The following COL23A1 variants were observed in gnomAD, a reference collection of about 807,000 sequenced individuals.
COL23A1 encodes the protein collagen type XXIII alpha 1 chain.
Under a neutral mutation model 99.3 loss-of-function variants are expected in COL23A1, and 97 were observed. That is an observed-to-expected ratio of 0.98 (90% CI 0.83 to 1.16). The LOEUF is 1.16. COL23A1 is among the 50% of genes most tolerant of loss of function. COL23A1 has a pLI of 0.00. For missense variants in COL23A1, 762 were observed against 757.4 expected, an observed-to-expected ratio of 1.01 and a Z score of -0.07; for synonymous variants, 320 against 308.2, an observed-to-expected ratio of 1.04 and a Z score of -0.40.
chr5:178,553,778 C>T (rs2113498241), intron 2 of COL23A1, among the ~76,000 whole-genome samples: 1 of 152,300 alleles, frequency 6.6e-6, no homozygotes, highest in South Asian at 2.1e-4. Flanking sequence ...TACCCACGTC[C>T]TAGAAGAACG....
chr5:178,472,823 A>G (rs1340433795), intron 2 of COL23A1, among the ~76,000 whole-genome samples: 5 of 152,122 alleles, frequency 3.3e-5, no homozygotes, highest in Non-Finnish European at 7.4e-5. Flanking sequence ...CAGATTGAAA[A>G]TATTTTTAAA....
intron 2 of COL23A1, among the ~76,000 whole-genome samples, chr5:178,359,749 T>C (rs1762077254): frequency 6.6e-6 from 1 of 152,200 alleles, no homozygotes; most frequent in Non-Finnish European, 1.5e-5. Flanking sequence ...AAGCCCAAGC[T>C]GGGAGGGGGC....
At chr5:178,480,721 C>T (rs1757286998) in intron 2 of COL23A1, among the ~76,000 whole-genome samples, 1 of 152,148 alleles carries the variant, frequency 6.6e-6, no homozygotes. Flanking sequence ...ATGTAATGGT[C>T]ACGGATAATA....
At chr5:178,409,203 T>A (rs1764938370) in intron 2 of COL23A1, among the ~76,000 whole-genome samples, 1 of 152,144 alleles carries the variant, frequency 6.6e-6, no homozygotes, top group South Asian at 2.1e-4. Flanking sequence ...AACTGTGGTA[T>A]AACCGCACCA....
intron 2 of COL23A1, among the ~76,000 whole-genome samples, chr5:178,338,287 C>G (rs1316287975): frequency 1.3e-5 from 2 of 152,174 alleles, no homozygotes; most frequent in Non-Finnish European, 2.9e-5. Context: ...GTCTCAGGGC[C>G]TGATCTCCAG....
chr5:178,287,435 A>G (rs1358069581), intron 5 of COL23A1, among the ~76,000 whole-genome samples: 1 of 152,182 alleles, frequency 6.6e-6, no homozygotes, highest in East Asian at 1.9e-4. Flanking sequence ...CAGAGCAGGA[A>G]ATTGAAGCTC....
intron 25 of COL23A1, among the ~76,000 whole-genome samples, chr5:178,245,355 TATCCATCC>T (rs148358275): frequency 5.7e-5 from 8 of 141,038 alleles, no homozygotes; most frequent in South Asian, 2.5e-4. Flanking sequence ...ATTCATCTAT[TATCCATCC>T]ATCCATCCAT....
intron 2 of COL23A1, among the ~76,000 whole-genome samples, chr5:178,465,057 C>G (rs536711216): frequency 5.2e-4 from 79 of 152,338 alleles, no homozygotes; most frequent in Non-Finnish European, 8.8e-4. Flanking sequence ...AAATAGTTCA[C>G]TTGATTTAAA....
intron 5 of COL23A1, among the ~76,000 whole-genome samples, chr5:178,285,276 G>C (rs73804767): frequency 0.018 from 2,678 of 152,268 alleles, 82 homozygotes; most frequent in African/African-American, 0.06. Flanking sequence ...TCCACCACCA[G>C]AGTCTCCTGC....
chr5:178,322,415 C>T (rs760964208), intron 2 of COL23A1, among the ~76,000 whole-genome samples: 2 of 152,222 alleles, frequency 1.3e-5, no homozygotes, highest in South Asian at 2.1e-4. Flanking sequence ...TGGCATGAGC[C>T]GCTGCATGTG....
chr5:178,409,675 T>C (rs944432909), intron 2 of COL23A1, among the ~76,000 whole-genome samples: 4 of 152,206 alleles, frequency 2.6e-5, no homozygotes, highest in Admixed American at 1.3e-4. Flanking sequence ...GGTAAAATTT[T>C]AAAAAGCCAT....
chr5:178,358,576 T>C (rs1025210953), intron 2 of COL23A1, among the ~76,000 whole-genome samples: 1 of 145,586 alleles, frequency 6.9e-6, no homozygotes, highest in Non-Finnish European at 1.5e-5. Context: ...GTCTAATGTG[T>C]ATGTGTATGT....
intron 1 of COL23A1, among the ~76,000 whole-genome samples, chr5:178,568,012 G>A (rs1015012380): frequency 6.6e-6 from 1 of 152,174 alleles, no homozygotes; most frequent in Non-Finnish European, 1.5e-5. Context: ...CCTCAACCAA[G>A]TGATCAAGGT....
intron 2 of COL23A1, among the ~76,000 whole-genome samples, chr5:178,328,735 C>T (rs1457032934): frequency 1.3e-5 from 2 of 152,196 alleles, no homozygotes; most frequent in Non-Finnish European, 2.9e-5. Flanking sequence ...TTGGTGCCGA[C>T]ACACAACCTA....
intron 4 of COL23A1, chr5:178,288,594 CAT>C (rs1173895816): frequency 1.3e-5 from 8 of 606,880 alleles, no homozygotes; most frequent in Non-Finnish European, 2.4e-5. Flanking sequence ...GGCACAGTCA[CAT>C]GTGTGCCCTC....
chr5:178,523,197 T>TAG (rs1416631747), intron 2 of COL23A1, among the ~76,000 whole-genome samples: 50 of 73,736 alleles, frequency 6.8e-4, no homozygotes, highest in Middle Eastern at 6.3e-3. Flanking sequence ...TATATATATA[T>TAG]ATATAGAGAG....
chr5:178,360,460 C>G (rs1762114292), intron 2 of COL23A1, among the ~76,000 whole-genome samples: 1 of 152,126 alleles, frequency 6.6e-6, no homozygotes, highest in South Asian at 2.1e-4. Context: ...GGGAGCCAGG[C>G]TGGGCCTCAT....
At chr5:178,566,753 T>C (rs745556579) in intron 1 of COL23A1, among the ~76,000 whole-genome samples, 2 of 151,932 alleles carry the variant, frequency 1.3e-5, no homozygotes, top group Non-Finnish European at 2.9e-5. Flanking sequence ...GAGGCGAAGG[T>C]TGCAGTGAGC....
intron 7 of COL23A1, 97 bp from the exon 8 acceptor site, chr5:178,267,430 A>G (rs1202720135): frequency 8.0e-7 from 1 of 1,257,544 alleles, no homozygotes; most frequent in Non-Finnish European, 1.1e-6. Flanking sequence ...TAGACATGGT[A>G]TGACTTAATT....
Sources: allele counts gnomAD v4.1 joint callset (sites outside exome capture counted in the v4.1 genomes callset), GRCh38; gene constraint gnomAD v4.1.1; transcripts MANE v1.5; gene names NCBI Gene and HGNC (gene_info 2026-07-23, HGNC 2026-07-21).